The following NEK9 variants were observed in gnomAD, a reference collection of about 807,000 sequenced individuals.
NEK9 encodes NIMA related kinase 9, also known as serine/threonine-protein kinase Nek9.
A neutral mutation model predicts 123.4 loss-of-function variants in NEK9; 75 were observed. The observed-to-expected ratio is 0.61, with a 90% CI of 0.50 to 0.74. NEK9 has a LOEUF of 0.74. Ranked by LOEUF, NEK9 falls within the 30% of genes least tolerant of loss-of-function variation. The pLI is 0.00. For synonymous variants in NEK9, 438 were observed against 458.7 expected (o/e 0.95, Z 0.58); for missense variants, 952 against 1,214.4 (o/e 0.78, Z 3.21).
In NEK9 at chr14:75,126,917, G is replaced by A. The variant is rs941557100; in HGVS notation, c.5C>T (p.Ser2Leu). The A allele has an allele frequency of 7.5e-6, 11 of 1,471,430 alleles. No individual in the cohort carries two copies. The highest frequency in any genetic ancestry group is 9.0e-6 in the Non-Finnish European group (10 of 1,105,798). The allele number at this position is 1,471,430 out of a possible 1,614,324, so 91.1% of individuals were successfully genotyped here. A position where few individuals can be genotyped will look rare whatever the true frequency, so the allele number is the denominator to read the frequency against. The change falls in exon 1 of 22, where the codon TCG becomes TTG. Residue 2 changes from serine to leucine, a missense_variant. Coordinates refer to ENST00000238616, the MANE Select transcript of NEK9 (RefSeq NM_033116.6). ...GTGTCGCTCGTACTCGCCCAGCACC[G>A]ACATGGCGGCGGCCGCGGGCCTTGG... MSVLGEYERHCD... is the reference protein window; with the variant it reads MLVLGEYERHCD...
At chr14:75,110,545 T>G (rs1385858561) in intron 8 of NEK9, among the ~76,000 whole-genome samples, 174 bp from the exon 9 acceptor site, 1 of 152,172 alleles carries the variant, frequency 6.6e-6, no homozygotes, top group African/African-American at 2.4e-5. Flanking sequence ...ATATAGTCCT[T>G]TCATTAGACA....
chr14:75,122,535 G>A (rs186173788), intron 2 of NEK9, among the ~76,000 whole-genome samples: 170 of 151,794 alleles, frequency 1.1e-3, no homozygotes, highest in African/African-American at 3.8e-3. Context: ...TTTTGAGATG[G>A]AGTCTCGCTC....
In NEK9 at chr14:75,082,668, G is replaced by A. The variant is rs1057043076; in HGVS notation, c.*1896C>T. 3.0e-5 allele frequency: 8 copies of A among 267,636 alleles called. No homozygotes were observed. Among genetic ancestry groups the A allele is most frequent in the African/African-American group, 4.4e-5 (2 of 45,874 alleles). The allele number at this position is 267,636 out of a possible 1,614,324, so 16.6% of individuals were successfully genotyped here. A position where few individuals can be genotyped will look rare whatever the true frequency, so the allele number is the denominator to read the frequency against. On this transcript the variant is annotated 3_prime_UTR_variant, in exon 22 of 22. Coordinates refer to ENST00000238616, the MANE Select transcript of NEK9 (RefSeq NM_033116.6). ...CCCACCTTCTCAGCAACCTGCCCAT[G>A]TCCATCAGCTCCATGGCAGAAGCAA...
chr14:75,099,026 T>C (rs1289604354), intron 16 of NEK9, among the ~76,000 whole-genome samples: 2 of 152,222 alleles, frequency 1.3e-5, no homozygotes, highest in African/African-American at 4.8e-5. Flanking sequence ...TTCTGAATGC[T>C]GGTTTATTTA....
intron 1 of NEK9, among the ~76,000 whole-genome samples, chr14:75,125,091 T>C (rs1895477525): frequency 6.6e-6 from 1 of 152,106 alleles, no homozygotes; most frequent in Non-Finnish European, 1.5e-5. Context: ...TTGCTGACCC[T>C]GCTTCCTAGC....
chr14:75,102,727 T>C (rs539804955), intron 14 of NEK9, among the ~76,000 whole-genome samples: 1 of 152,286 alleles, frequency 6.6e-6, no homozygotes, highest in African/African-American at 2.4e-5. Flanking sequence ...TAATTGAAAA[T>C]CACTACTTTA....
At chr14:75,120,158 T>C (rs1011005180) in intron 4 of NEK9, among the ~76,000 whole-genome samples, 2 of 152,222 alleles carry the variant, frequency 1.3e-5, no homozygotes, top group Non-Finnish European at 2.9e-5. Flanking sequence ...ATCTTAATTA[T>C]AGAATTAAAA....
intron 1 of NEK9, 40 bp from the exon 2 acceptor site, chr14:75,124,263 C>T (rs375033536): frequency 6.3e-7 from 1 of 1,587,008 alleles, no homozygotes. Context: ...TTCCTCTTGC[C>T]TGGCAGCAAA....
intron 2 of NEK9, 43 bp from the exon 3 acceptor site, chr14:75,121,217 T>C: frequency 6.6e-7 from 1 of 1,511,492 alleles, no homozygotes; most frequent in Non-Finnish European, 9.1e-7. Flanking sequence ...TTAATACAGA[T>C]CAAAGCTTGG....
intron 18 of NEK9, among the ~76,000 whole-genome samples, chr14:75,092,003 G>A (rs1005237211): frequency 6.6e-6 from 1 of 151,826 alleles, no homozygotes; most frequent in Non-Finnish European, 1.5e-5. Context: ...ATTTGAGACC[G>A]AGTCTAGCTT....
Position 75,084,504 on chromosome 14 carries a change from T to C in NEK9, c.*60A>G, listed in dbSNP as rs1893956979. The C allele has an allele frequency of 4.4e-6, 7 of 1,598,950 alleles. No homozygotes were observed. Among genetic ancestry groups the C allele is most frequent in the Non-Finnish European group, 6.0e-6 (7 of 1,169,504 alleles). ...CAGGAAAGCTGCTCTCTGCATTCGG[T>C]AAGTGTGCTGTGAAGTTCTTTGGGT... On this transcript the variant is annotated 3_prime_UTR_variant, in exon 22 of 22. Transcript: ENST00000238616.
chr14:75,087,168 C>T lies in NEK9; in HGVS notation c.2667G>A (p.Ala889=), dbSNP rs372124878. 1.1e-5 allele frequency: 18 copies of T among 1,614,036 alleles called. No individual in the cohort carries two copies. The highest frequency in any genetic ancestry group is 4.0e-5 in the African/African-American group (3 of 74,920). The change falls in exon 21 of 22, where the codon GCG becomes GCA. Residue 889 remains alanine (A), a synonymous_variant. Coordinates refer to ENST00000238616, the MANE Select transcript of NEK9 (RefSeq NM_033116.6). ...AGKGTPLTPP[A]CACSSLQVEV... is the part of the protein sequence containing the mutation. ...CCACCTGCAGAGAGCTGCACGCACA[C>T]GCAGGAGGAGTCAGTGGTGTTCCCT...
At chr14:75,085,089 T>C (rs1408997650) in intron 21 of NEK9, 2 of 171,154 alleles carry the variant, frequency 1.2e-5, no homozygotes, top group Non-Finnish European at 2.5e-5. Context: ...CACTGCAGCC[T>C]TGACCTCCCC....
rs1025944767 is a variant in NEK9, at chr14:75,126,963, G to A, written c.-42C>T. The A allele has an allele frequency of 5.0e-6, 7 of 1,389,500 alleles. No homozygotes were observed. The African/African-American group carries it at 7.6e-5, about 15-fold the overall frequency. The allele number at this position is 1,389,500 out of a possible 1,614,324, so 86.1% of individuals were successfully genotyped here. On this transcript the variant is annotated 5_prime_UTR_variant, in exon 1 of 22. Coordinates refer to ENST00000238616, the MANE Select transcript of NEK9 (RefSeq NM_033116.6). ...CTTGGGGACCAGCCTGCGTATGCCCGGAGGCCCTGGCCGCGCTGCGTCCCG... is the reference window on the plus strand; with the variant it reads ...CTTGGGGACCAGCCTGCGTATGCCCAGAGGCCCTGGCCGCGCTGCGTCCCG...
In NEK9 at chr14:75,106,653, C is replaced by A; in HGVS notation, c.1377G>T (p.Gly459=). Reference sequence around the variant, plus strand: ...CTTCAGGGCCAGCAACTTTGTCCACCCCCATGCAGCCATAATAATCTGATC... The same window carrying A: ...CTTCAGGGCCAGCAACTTTGTCCACACCCATGCAGCCATAATAATCTGATC... ...AFGSDYYGCM[G]VDKVAGPEVL... The change falls in exon 12 of 22, where the codon GGG becomes GGT. Residue 459 remains glycine, a synonymous_variant. Coordinates refer to ENST00000238616, the MANE Select transcript of NEK9 (RefSeq NM_033116.6). 6.2e-7 allele frequency: 1 copy of A among 1,614,010 alleles called. No homozygotes were observed. The highest frequency in any genetic ancestry group is 8.5e-7 in the Non-Finnish European group (1 of 1,180,030).
At chr14:75,087,645 G>T (rs1000703125) in intron 20 of NEK9, among the ~76,000 whole-genome samples, 2 of 152,178 alleles carry the variant, frequency 1.3e-5, no homozygotes, top group Non-Finnish European at 2.9e-5. Flanking sequence ...TCTGAGAGGT[G>T]GTCAGTAAAC....
rs1747156964 is a variant in NEK9 at position 75,121,119 on chromosome 14, C to G, written c.453G>C (p.Glu151Asp). The G allele has an allele frequency of 3.1e-6, 5 of 1,610,222 alleles. No individual in the cohort carries two copies. The highest frequency in any genetic ancestry group is 4.2e-6 in the Non-Finnish European group (5 of 1,176,592). Residue 151 changes from glutamate (E) to aspartate (D), a missense_variant and splice_region_variant, in exon 3 of 22, where the codon GAG (glutamate) becomes GAC (aspartate). Physicochemically the swap from Glu to Asp is conservative, Grantham distance 45. This residue lies in a region of NEK9 where 106 missense variants were observed against 153.0 expected (regional missense o/e 0.69). Transcript: ENST00000238616. Reference protein sequence around the residue: ...LRQKDKLFEEEMVVWYLFQIV... With the variant: ...LRQKDKLFEEDMVVWYLFQIV... ...TTCCTTCCACAGAAATATGAATTAC[C>G]TCTTCCTCAAACAACTTGTCCTTCT...
At chr14:75,086,939 T>TGA in intron 21 of NEK9, 79 bp downstream of exon 21, 1 of 1,406,516 alleles carries the variant, frequency 7.1e-7, no homozygotes, top group South Asian at 1.2e-5. Context: ...GGAACAAGTC[T>TGA]ATTTCAGTAC....
chr14:75,124,964 G>A (rs1895471991), intron 1 of NEK9, among the ~76,000 whole-genome samples: 1 of 147,478 alleles, frequency 6.8e-6, no homozygotes, highest in African/African-American at 2.5e-5. Context: ...TTTAAGAGAT[G>A]GGGTATCACT....
Sources: allele counts gnomAD v4.1 joint callset (sites outside exome capture counted in the v4.1 genomes callset), GRCh38; gene constraint gnomAD v4.1.1; regional missense constraint gnomAD v4.1.1; transcripts MANE v1.5; gene names NCBI Gene and HGNC (gene_info 2026-07-23, HGNC 2026-07-21).